The following ARHGAP26 variants were observed in gnomAD, a reference collection of about 807,000 sequenced individuals.
ARHGAP26 encodes rho GTPase-activating protein 26.
A neutral mutation model predicts 104.8 loss-of-function variants in ARHGAP26; 38 were observed. The ratio of observed to expected loss-of-function variants is 0.36; its 90% CI spans 0.28 to 0.48. The LOEUF (loss-of-function observed/expected upper bound fraction) is 0.48, where lower values mean the gene tolerates loss of function less well. Ranked by LOEUF, ARHGAP26 falls within the 20% of genes least tolerant of loss-of-function variation. The probability of loss-of-function intolerance (pLI) is 0.99; values close to 1 mark genes in which losing one functional copy is unlikely to be tolerated. For synonymous variants in ARHGAP26, 341 were observed against 340.0 expected, an observed-to-expected ratio of 1.00 and a Z score of -0.03; for missense variants, 704 against 947.9, an observed-to-expected ratio of 0.74 and a Z score of 3.38.
intron 11 of ARHGAP26, among the ~76,000 whole-genome samples, chr5:142,936,368 G>C (rs774474949): frequency 1.4e-4 from 22 of 152,228 alleles, no homozygotes; most frequent in Non-Finnish European, 3.2e-4. Flanking sequence ...AACTGCTGCT[G>C]AAAGAAACTA....
chr5:142,897,100 CA>C (rs773468004), intron 6 of ARHGAP26, among the ~76,000 whole-genome samples: 4 of 152,128 alleles, frequency 2.6e-5, no homozygotes, highest in Admixed American at 6.5e-5. Flanking sequence ...TTCACAGCCT[CA>C]CTGGGGTAAG....
chr5:143,127,019 C>G (rs1034356038), intron 18 of ARHGAP26, among the ~76,000 whole-genome samples: 1 of 152,142 alleles, frequency 6.6e-6, no homozygotes, highest in Non-Finnish European at 1.5e-5. Flanking sequence ...TGTCATGGTC[C>G]AAGATCTCAA....
intron 11 of ARHGAP26, among the ~76,000 whole-genome samples, chr5:142,991,579 C>A (rs2152756874): frequency 6.6e-6 from 1 of 152,268 alleles, no homozygotes; most frequent in Non-Finnish European, 1.5e-5. Flanking sequence ...TCCTATTTGG[C>A]CATCTTGGAA....
intron 20 of ARHGAP26, among the ~76,000 whole-genome samples, chr5:143,163,925 G>C (rs777343439): frequency 1.3e-5 from 2 of 151,884 alleles, no homozygotes; most frequent in Non-Finnish European, 1.5e-5. Context: ...GAATGACATA[G>C]AAAGGAAAAA....
At chr5:142,786,654 A>ATTTTTT (rs70991779) in intron 1 of ARHGAP26, among the ~76,000 whole-genome samples, 24 of 104,470 alleles carry the variant, frequency 2.3e-4, no homozygotes, top group Non-Finnish European at 3.5e-4. Flanking sequence ...GAGTTCTAGA[A>ATTTTTT]TTTTTTTTTT....
intron 21 of ARHGAP26, among the ~76,000 whole-genome samples, chr5:143,208,532 T>C (rs1360423458): frequency 6.6e-6 from 1 of 152,226 alleles, no homozygotes; most frequent in Non-Finnish European, 1.5e-5. Context: ...TTTCATTCTA[T>C]CCTCGTGTGA....
chr5:142,856,632 T>C (rs1266096551), intron 1 of ARHGAP26, among the ~76,000 whole-genome samples: 2 of 152,176 alleles, frequency 1.3e-5, no homozygotes, highest in South Asian at 2.1e-4. Flanking sequence ...ATGGAGAATA[T>C]TTATTGCATC....
At chr5:142,839,225 T>A (rs1365748740) in intron 1 of ARHGAP26, among the ~76,000 whole-genome samples, 3 of 152,248 alleles carry the variant, frequency 2.0e-5, no homozygotes, top group Non-Finnish European at 4.4e-5. Context: ...GAGTCTCTGT[T>A]CTTATGCTGT....
intron 12 of ARHGAP26, among the ~76,000 whole-genome samples, chr5:143,020,834 G>T (rs1302880213): frequency 6.6e-6 from 1 of 151,904 alleles, no homozygotes; most frequent in East Asian, 1.9e-4. Flanking sequence ...TAGAGACAGG[G>T]TTTCACCGTG....
chr5:143,201,864 CA>C (rs1446499406), intron 20 of ARHGAP26, among the ~76,000 whole-genome samples: 2 of 152,172 alleles, frequency 1.3e-5, no homozygotes, highest in African/African-American at 4.8e-5. Flanking sequence ...TACAAATAAA[CA>C]AAAGGCATAA....
intron 1 of ARHGAP26, among the ~76,000 whole-genome samples, chr5:142,804,617 G>A (rs1336268043): frequency 1.3e-5 from 2 of 151,750 alleles, no homozygotes; most frequent in Non-Finnish European, 2.9e-5. Flanking sequence ...TCAGCCTCCC[G>A]AGTAGCTGGG....
At chr5:142,780,840 T>C (rs1186245317) in intron 1 of ARHGAP26, among the ~76,000 whole-genome samples, 1 of 152,180 alleles carries the variant, frequency 6.6e-6, no homozygotes, top group Non-Finnish European at 1.5e-5. Flanking sequence ...AGCTTCCCGG[T>C]GGGCACTGGA....
intron 1 of ARHGAP26, among the ~76,000 whole-genome samples, chr5:142,780,835 C>T (rs1757344899): frequency 6.6e-6 from 1 of 152,156 alleles, no homozygotes; most frequent in South Asian, 2.1e-4. Context: ...ATAGAAGCTT[C>T]CCGGTGGGCA....
intron 20 of ARHGAP26, among the ~76,000 whole-genome samples, chr5:143,149,387 A>G (rs544471348): frequency 6.6e-6 from 1 of 152,264 alleles, no homozygotes; most frequent in South Asian, 2.1e-4. Context: ...CAGCCCTGAT[A>G]CCAGCGTCTG....
chr5:143,194,163 A>G (rs1210769648), intron 20 of ARHGAP26: 1 of 152,266 alleles, frequency 6.6e-6, no homozygotes, highest in Non-Finnish European at 1.5e-5. Context: ...TACATATTCC[A>G]GTCTGCCAGA....
intron 12 of ARHGAP26, among the ~76,000 whole-genome samples, chr5:143,028,665 T>C (rs1781418034): frequency 6.6e-6 from 1 of 152,222 alleles, no homozygotes; most frequent in Non-Finnish European, 1.5e-5. Flanking sequence ...ATCCCCATTA[T>C]ACAAGCGAGG....
intron 19 of ARHGAP26, among the ~76,000 whole-genome samples, chr5:143,141,107 C>T (rs535288442): frequency 2.3e-4 from 35 of 152,310 alleles, no homozygotes; most frequent in Admixed American, 1.0e-3. Flanking sequence ...TGTTGTCACA[C>T]GGGCTGCAGA....
Position 142,910,766 on chromosome 5 carries a change from A to G in ARHGAP26, c.934-2433A>G, listed in dbSNP as rs938504020. ...AAAAAGAAAAAAAGAAGAAATAGAG[A>G]TGAGTCTCACTATGTTGCCCAGGCT... On this transcript the variant is annotated intron_variant, in intron 9 of 22. Transcript: ENST00000645722. 2.2e-4 allele frequency among the ~76,000 whole-genome samples: 34 copies of G among 152,186 alleles called. 1 individual carries two copies. In the East Asian group the frequency reaches 6.0e-3, roughly 27 times the overall value.
intron 19 of ARHGAP26, among the ~76,000 whole-genome samples, chr5:143,143,927 G>A (rs1276137027): frequency 6.6e-6 from 1 of 152,200 alleles, no homozygotes. Context: ...ATTTTATCAT[G>A]TTCTTGTTGC....
Sources: allele counts gnomAD v4.1 joint callset (sites outside exome capture counted in the v4.1 genomes callset), GRCh38; gene constraint gnomAD v4.1.1; transcripts MANE v1.5; gene names NCBI Gene and HGNC (gene_info 2026-07-23, HGNC 2026-07-21).